The following NCAM2 variants were observed in gnomAD, a reference collection of about 807,000 sequenced individuals.
The protein encoded by NCAM2 is neural cell adhesion molecule 2, also known as N-CAM-2.
A neutral mutation model predicts 98.1 loss-of-function variants in NCAM2; 30 were observed. That is an observed-to-expected ratio of 0.31 (90% confidence interval 0.23 to 0.41). NCAM2 has a LOEUF of 0.41. NCAM2 is among the 10% of genes least tolerant of loss of function. The probability of loss-of-function intolerance (pLI) is 1.00; values close to 1 mark genes in which losing one functional copy is unlikely to be tolerated. For missense variants in NCAM2, 867 were observed against 1,005.8 expected (o/e 0.86, Z 1.87); for synonymous variants, 368 against 342.4 (o/e 1.07, Z -0.83).
intron 5 of NCAM2, among the ~76,000 whole-genome samples, chr21:21,318,926 A>T (rs2074295900): frequency 6.6e-6 from 1 of 152,178 alleles, no homozygotes; most frequent in Admixed American, 6.5e-5. Context: ...AAGCAGGCGT[A>T]TTTTTAAAAG....
intron 1 of NCAM2, among the ~76,000 whole-genome samples, chr21:21,215,686 C>T (rs146274096): frequency 5.9e-5 from 9 of 152,250 alleles, no homozygotes; most frequent in Non-Finnish European, 1.3e-4. Context: ...CAAGATCATG[C>T]CACTGCACTG....
chr21:21,011,600 C>T (rs1050706308), intron 1 of NCAM2, among the ~76,000 whole-genome samples: 4 of 152,000 alleles, frequency 2.6e-5, no homozygotes, highest in Non-Finnish European at 4.4e-5. Context: ...AAGATCTAGT[C>T]TCTTAGCAAT....
intron 15 of NCAM2, among the ~76,000 whole-genome samples, chr21:21,497,623 C>T (rs992848304): frequency 2.0e-5 from 3 of 152,152 alleles, no homozygotes; most frequent in Admixed American, 6.5e-5. Flanking sequence ...ATTATTTATA[C>T]GTGTAACAAC....
chr21:21,046,254 A>C (rs925643219), intron 1 of NCAM2, among the ~76,000 whole-genome samples: 2 of 152,184 alleles, frequency 1.3e-5, no homozygotes, highest in Non-Finnish European at 1.5e-5. Context: ...GTTGTTACTT[A>C]TCTTTTTGTA....
intron 14 of NCAM2, among the ~76,000 whole-genome samples, chr21:21,473,328 G>C (rs1169400558): frequency 6.9e-6 from 1 of 145,730 alleles, no homozygotes; most frequent in African/African-American, 2.5e-5. Flanking sequence ...ATATGCTTGT[G>C]TGTATATATA....
At chr21:21,401,900 C>T (rs1297350093) in intron 9 of NCAM2, among the ~76,000 whole-genome samples, 2 of 152,128 alleles carry the variant, frequency 1.3e-5, no homozygotes, top group African/African-American at 4.8e-5. Flanking sequence ...GCAGAGGAAA[C>T]AAATTGTGAA....
At chr21:21,398,317 C>T (rs2076558311) in intron 9 of NCAM2, among the ~76,000 whole-genome samples, 1 of 152,148 alleles carries the variant, frequency 6.6e-6, no homozygotes, top group Non-Finnish European at 1.5e-5. Context: ...ACAGTGTATA[C>T]TGCTCAGGTG....
intron 1 of NCAM2, among the ~76,000 whole-genome samples, chr21:21,128,498 T>G (rs897018773): frequency 1.3e-5 from 2 of 152,106 alleles, no homozygotes; most frequent in African/African-American, 4.8e-5. Flanking sequence ...AATTGAGAAT[T>G]AAGACAACTA....
At chr21:21,388,063 A>G (rs2076306230) in intron 9 of NCAM2, among the ~76,000 whole-genome samples, 1 of 152,234 alleles carries the variant, frequency 6.6e-6, no homozygotes, top group Non-Finnish European at 1.5e-5. Context: ...ACTCATTGGT[A>G]TGGATCCAGT....
chr21:21,210,967 AACACACACACACAC>A (rs71195310), intron 1 of NCAM2, among the ~76,000 whole-genome samples: 47,328 of 127,062 alleles, frequency 0.37, 9,547 homozygotes, highest in South Asian at 0.45. Flanking sequence ...ACTCTCCCCA[AACACACACACACAC>A]ACACACACAC....
chr21:21,108,225 CT>C (rs761048955), intron 1 of NCAM2, among the ~76,000 whole-genome samples: 75 of 148,204 alleles, frequency 5.1e-4, no homozygotes, highest in African/African-American at 1.3e-3. Flanking sequence ...CTCATAAAGA[CT>C]TTTTTTTTTA....
At chr21:21,378,424 G>A (rs1250043252) in intron 9 of NCAM2, among the ~76,000 whole-genome samples, 1 of 151,992 alleles carries the variant, frequency 6.6e-6, no homozygotes, top group Non-Finnish European at 1.5e-5. Flanking sequence ...CTAATGATTA[G>A]TGATGCTGAG....
chr21:21,516,663 AT>A (rs940303621), intron 16 of NCAM2, among the ~76,000 whole-genome samples: 18 of 151,588 alleles, frequency 1.2e-4, no homozygotes, highest in Non-Finnish European at 2.4e-4. Context: ...AACCATCTGT[AT>A]TTTTTTTCCA....
chr21:21,450,879 G>T (rs193132013), intron 12 of NCAM2, among the ~76,000 whole-genome samples: 18 of 150,760 alleles, frequency 1.2e-4, no homozygotes, highest in Non-Finnish European at 2.2e-4. Flanking sequence ...TTTAATGTTA[G>T]AATACACAGT....
intron 15 of NCAM2, among the ~76,000 whole-genome samples, chr21:21,486,808 A>G (rs1986430237): frequency 6.6e-6 from 1 of 152,174 alleles, no homozygotes; most frequent in Non-Finnish European, 1.5e-5. Flanking sequence ...CAGAAATAAG[A>G]TACATCAATT....
intron 15 of NCAM2, among the ~76,000 whole-genome samples, chr21:21,504,383 A>G (rs1249731910): frequency 6.6e-6 from 1 of 151,954 alleles, no homozygotes; most frequent in Non-Finnish European, 1.5e-5. Context: ...GATCTTAAAA[A>G]ATAAAAAATG....
intron 15 of NCAM2, among the ~76,000 whole-genome samples, chr21:21,500,167 T>A (rs1987535133): frequency 6.6e-6 from 1 of 152,140 alleles, no homozygotes; most frequent in Admixed American, 6.6e-5. Flanking sequence ...TGCTGTTTAT[T>A]TTTTTAAATT....
intron 1 of NCAM2, among the ~76,000 whole-genome samples, chr21:21,161,413 G>A (rs950367880): frequency 1.3e-5 from 2 of 151,402 alleles, no homozygotes; most frequent in African/African-American, 4.9e-5. Flanking sequence ...TTCAGATTAA[G>A]CAATTGTGTG....
At chr21:21,435,568 G>A (rs1356355326) in intron 12 of NCAM2, among the ~76,000 whole-genome samples, 2 of 152,150 alleles carry the variant, frequency 1.3e-5, no homozygotes, top group Non-Finnish European at 2.9e-5. Context: ...TGCAAACCCA[G>A]TTTAACATCT....
Sources: gnomAD v4.1 joint callset for allele counts (sites outside exome capture counted in the v4.1 genomes callset) on GRCh38, gnomAD v4.1.1 for gene constraint, MANE v1.5 for transcripts, NCBI Gene and HGNC (gene_info 2026-07-23, HGNC 2026-07-21) for gene names.